The following NF1 variants were observed in gnomAD, a reference collection of about 807,000 sequenced individuals.
NF1 encodes the protein neurofibromin.
In NF1, 122 loss-of-function variants were observed where a neutral mutation model predicts 325.7. The ratio of observed to expected loss-of-function variants is 0.37; its 90% CI spans 0.32 to 0.44. The LOEUF is 0.44. NF1 is among the 20% of genes least tolerant of loss of function. NF1 has a pLI of 1.00. For missense variants in NF1, 2,140 were observed against 3,415.4 expected (o/e 0.63, Z 9.31); for synonymous variants, 1,091 against 1,186.0 (o/e 0.92, Z 1.65).
At position 31,373,996 on chromosome 17, in the gene NF1, G is replaced by C. The variant is rs2151601146; in HGVS notation, c.8378-17G>C. The C allele has an allele frequency of 6.2e-7, 1 of 1,613,924 alleles. No individual in the cohort carries two copies. The highest frequency in any genetic ancestry group is 8.5e-7 in the Non-Finnish European group (1 of 1,179,866). On this transcript the variant is annotated splice_polypyrimidine_tract_variant and intron_variant, in intron 57 of 57. Coordinates refer to ENST00000358273, the MANE Select transcript of NF1 (RefSeq NM_001042492.3). ...GAAGGAAAAGAAGAAGTAACTGGCT[G>C]TTCTCTTTTTCTCCAGGAATCGACA... is the stretch of plus-strand genomic sequence containing the variant.
rs373913274 is a variant in NF1, at chr17:31,368,593, T to G, written c.8378-5420T>G. ...TATTCTATTTTGTGCTTATTTATAT[T>G]AGCTTCACTCATTTTACAAATTCTA... On this transcript the variant is annotated intron_variant, in intron 57 of 57. Transcript: ENST00000358273. Among the ~76,000 whole-genome samples, 699 of 152,348 alleles carry G rather than the reference T, an allele frequency of 4.6e-3. 2 individuals are homozygous for G. The highest frequency in any genetic ancestry group is 0.015 in the South Asian group (73 of 4,830).
At chr17:31,286,352 C>T (rs1157820777) in intron 36 of NF1, among the ~76,000 whole-genome samples, 1 of 152,288 alleles carries the variant, frequency 6.6e-6, no homozygotes, top group South Asian at 2.1e-4. Context: ...GTCTTGGCTC[C>T]CAAAGTGCTT....
chr17:31,156,193 A>C lies in NF1; in HGVS notation c.204+67A>C, dbSNP rs536552872. 111 of 1,563,330 alleles carry C rather than the reference A, an allele frequency of 7.1e-5. No homozygotes were observed. In the African/African-American group the frequency reaches 1.3e-3, roughly 19 times the overall value. ...TTTCTTTTTGATTAAAAAGTTTAGA[A>C]CAGCATATTTTGAAGTATGGAAAGT... On this transcript the variant is annotated intron_variant, in intron 2 of 57. Coordinates refer to ENST00000358273, the MANE Select transcript of NF1 (RefSeq NM_001042492.3).
intron 36 of NF1, chr17:31,318,471 G>T (rs201100937): frequency 1.2e-6 from 2 of 1,613,950 alleles, no homozygotes; most frequent in East Asian, 2.2e-5. Context: ...CCAGAAAATC[G>T]CCATTGCTTC....
intron 1 of NF1, among the ~76,000 whole-genome samples, chr17:31,099,488 C>T (rs1007562540): frequency 1.3e-5 from 2 of 151,830 alleles, no homozygotes; most frequent in African/African-American, 2.4e-5. Context: ...TCTTACATCT[C>T]TCCTTAACCT....
chr17:31,151,734 A>C (rs920785703), intron 1 of NF1, among the ~76,000 whole-genome samples: 1 of 152,252 alleles, frequency 6.6e-6, no homozygotes, highest in Non-Finnish European at 1.5e-5. Flanking sequence ...AATAATGACG[A>C]AAAGTCTGTA....
At chr17:31,223,734 A>G (rs2066966686) in intron 16 of NF1, among the ~76,000 whole-genome samples, 167 bp downstream of exon 16, 1 of 152,158 alleles carries the variant, frequency 6.6e-6, no homozygotes, top group South Asian at 2.1e-4. Flanking sequence ...GCAAATCAGC[A>G]TTTTAAAAAT....
At chr17:31,098,090 G>A (rs1334362410) in intron 1 of NF1, among the ~76,000 whole-genome samples, 5 of 148,014 alleles carry the variant, frequency 3.4e-5, no homozygotes, top group African/African-American at 1.2e-4. Flanking sequence ...TTTAACATAA[G>A]GTACTTATAT....
intron 51 of NF1, chr17:31,356,207 G>A (rs1452881226): frequency 7.2e-6 from 3 of 415,388 alleles, no homozygotes; most frequent in South Asian, 2.2e-5. Context: ...TACCTCCAGT[G>A]TACAGAATAC....
intron 18 of NF1, among the ~76,000 whole-genome samples, 167 bp downstream of exon 18, chr17:31,226,851 A>T (rs1337881613): frequency 6.6e-6 from 1 of 152,224 alleles, no homozygotes; most frequent in East Asian, 1.9e-4. Flanking sequence ...AAAGCATTTG[A>T]AATAAATTGT....
chr17:31,263,264 G>T (rs1351235498), intron 35 of NF1, among the ~76,000 whole-genome samples: 1 of 152,024 alleles, frequency 6.6e-6, no homozygotes, highest in African/African-American at 2.4e-5. Flanking sequence ...AACATAGCAG[G>T]ACTCCATCTC....
In NF1 at chr17:31,330,145, G is replaced by A. The variant is rs1159411409; in HGVS notation, c.5610-151G>A. The A allele has an allele frequency of 3.1e-5, 22 of 716,900 alleles. No homozygotes were observed. In the East Asian group the frequency reaches 5.9e-4, roughly 19 times the overall value. 44.4% of individuals were successfully genotyped at this position (716,900 alleles called of 1,614,324 possible). On this transcript the variant is annotated intron_variant, in intron 38 of 57. Transcript: ENST00000358273. Reference sequence around the variant, plus strand: ...TAAGGGGTATTTTGGTTTTACTGTAGAATTATAACATCTTATTTCTAACTG... The same window carrying A: ...TAAGGGGTATTTTGGTTTTACTGTAAAATTATAACATCTTATTTCTAACTG...
chr17:31,200,940 C>A (rs1420729061), intron 9 of NF1, 97 bp from the exon 10 acceptor site: 12 of 1,541,416 alleles, frequency 7.8e-6, no homozygotes, highest in Non-Finnish European at 8.9e-6. Context: ...GATTTTACTG[C>A]CATTTGTGTG....
chr17:31,183,879 T>C (rs1250683879), intron 8 of NF1, among the ~76,000 whole-genome samples: 2 of 152,190 alleles, frequency 1.3e-5, no homozygotes, highest in African/African-American at 4.8e-5. Context: ...TTCTTTAGTT[T>C]TGGAACTTGG....
rs2069673391 is a variant in NF1, at chr17:31,336,514, G to C, written c.6147+41G>C. On this transcript the variant is annotated intron_variant, in intron 41 of 57. Coordinates refer to ENST00000358273, the MANE Select transcript of NF1 (RefSeq NM_001042492.3). The surrounding 1 kb of genome is among the most constrained non-coding windows in gnomAD (Gnocchi z 5.5). ...TTGCCTTCTGTACTATAGCATATCT[G>C]TTTTATCATCAGGAGGTTTTTTGTT... 6.2e-7 allele frequency: 1 copy of C among 1,612,406 alleles called. No individual in the cohort carries two copies. The highest frequency in any genetic ancestry group is 1.3e-5 in the African/African-American group (1 of 74,570).
chr17:31,219,943 A>G (rs1038703179), intron 14 of NF1, among the ~76,000 whole-genome samples: 2 of 151,974 alleles, frequency 1.3e-5, no homozygotes, highest in Admixed American at 1.3e-4. Flanking sequence ...TGTTTTGTTC[A>G]TCTAGTTATC....
intron 5 of NF1, among the ~76,000 whole-genome samples, chr17:31,180,941 A>G (rs1020217561): frequency 6.6e-6 from 1 of 152,160 alleles, no homozygotes; most frequent in South Asian, 2.1e-4. Context: ...AAGCATTCCT[A>G]TACACCAATA....
intron 36 of NF1, among the ~76,000 whole-genome samples, chr17:31,267,574 TG>T (rs2067814767): frequency 6.6e-6 from 1 of 152,204 alleles, no homozygotes; most frequent in South Asian, 2.1e-4. Flanking sequence ...ATGAAGGTCT[TG>T]TCTGTCTGTA....
intron 36 of NF1, chr17:31,296,406 A>G: frequency 6.6e-7 from 1 of 1,508,856 alleles, no homozygotes; most frequent in African/African-American, 1.4e-5. Context: ...TGGGTCAGTT[A>G]GCATTAGGCA....
Sources: allele counts gnomAD v4.1 joint callset (sites outside exome capture counted in the v4.1 genomes callset), GRCh38; gene constraint gnomAD v4.1.1; non-coding constraint Gnocchi (gnomAD v3.1); transcripts MANE v1.5; gene names NCBI Gene and HGNC (gene_info 2026-07-23, HGNC 2026-07-21).